MEGF11: variants seen among roughly 807,000 people sequenced by gnomAD.
MEGF11 encodes multiple epidermal growth factor-like domains protein 11.
Under a neutral mutation model 146.6 loss-of-function variants are expected in MEGF11, and 126 were observed. The ratio of observed to expected loss-of-function variants is 0.86; its 90% CI spans 0.74 to 1.00. The LOEUF is 1.00. Among genes scored for constraint, MEGF11 ranks in the 50% least tolerant of loss-of-function variants. The probability of loss-of-function intolerance (pLI) is 0.00; values close to 1 mark genes in which losing one functional copy is unlikely to be tolerated. For missense variants in MEGF11, 1,509 were observed against 1,521.2 expected, an observed-to-expected ratio of 0.99 and a Z score of 0.13; for synonymous variants, 532 against 583.4, an observed-to-expected ratio of 0.91 and a Z score of 1.27.
At chr15:66,230,989 G>A (rs1036267461) in intron 1 of MEGF11, among the ~76,000 whole-genome samples, 4 of 152,172 alleles carry the variant, frequency 2.6e-5, no homozygotes, top group African/African-American at 9.7e-5. Flanking sequence ...CTTGCCCAAA[G>A]TGGGTCCCAC....
At chr15:65,923,862 C>T (rs1321895441) in intron 13 of MEGF11, among the ~76,000 whole-genome samples, 2 of 152,134 alleles carry the variant, frequency 1.3e-5, no homozygotes, top group Non-Finnish European at 2.9e-5. Context: ...AGGCCTGAGG[C>T]TGGATGCCCC....
intron 1 of MEGF11, among the ~76,000 whole-genome samples, chr15:66,237,870 G>C (rs556866170): frequency 6.6e-6 from 1 of 152,268 alleles, no homozygotes; most frequent in Non-Finnish European, 1.5e-5. Context: ...TTTGAGGCTG[G>C]TATCTTCTGT....
intron 5 of MEGF11, among the ~76,000 whole-genome samples, chr15:65,999,451 C>T (rs2082292776): frequency 6.6e-6 from 1 of 152,210 alleles, no homozygotes; most frequent in East Asian, 1.9e-4. Flanking sequence ...GCTTCAAGAA[C>T]CTTCCTGCTT....
chr15:65,917,856 G>A (rs2141231237), intron 16 of MEGF11, 110 bp downstream of exon 16: 1 of 1,317,476 alleles, frequency 7.6e-7, no homozygotes, highest in Non-Finnish European at 1.1e-6. Flanking sequence ...TGCAGAAGGA[G>A]ATTTCATCCC....
At chr15:66,235,715 C>T (rs546376201) in intron 1 of MEGF11, among the ~76,000 whole-genome samples, 3 of 152,154 alleles carry the variant, frequency 2.0e-5, no homozygotes, top group Non-Finnish European at 4.4e-5. Flanking sequence ...CCTGGGTCCT[C>T]CTACAGGATC....
chr15:66,040,691 G>A (rs1168560837), intron 5 of MEGF11, among the ~76,000 whole-genome samples: 2 of 152,122 alleles, frequency 1.3e-5, no homozygotes, highest in African/African-American at 4.8e-5. Context: ...GGGCATTCCA[G>A]GGCCTGTCCC....
intron 1 of MEGF11, among the ~76,000 whole-genome samples, chr15:66,239,675 A>C (rs574738567): frequency 6.6e-6 from 1 of 151,790 alleles, no homozygotes; most frequent in Non-Finnish European, 1.5e-5. Flanking sequence ...TGCACTGCAC[A>C]CTCCTCAGAA....
At chr15:65,995,420 T>A (rs1288774956) in intron 5 of MEGF11, among the ~76,000 whole-genome samples, 1 of 152,244 alleles carries the variant, frequency 6.6e-6, no homozygotes, top group African/African-American at 2.4e-5. Context: ...CTCTGCTCAA[T>A]GAGAGGAACC....
At chr15:65,992,453 G>GGGC (rs2082079485) in intron 5 of MEGF11, among the ~76,000 whole-genome samples, 1 of 142,892 alleles carries the variant, frequency 7.0e-6, no homozygotes. Flanking sequence ...GTGTGTGTGG[G>GGGC]GGGGGGGGTT....
chr15:66,129,630 A>T, intron 1 of MEGF11, among the ~76,000 whole-genome samples: 1 of 152,176 alleles, frequency 6.6e-6, no homozygotes, highest in East Asian at 1.9e-4. Flanking sequence ...TTCGCAGATG[A>T]GGAAGCGCTC....
intron 1 of MEGF11, among the ~76,000 whole-genome samples, chr15:66,237,965 A>G (rs1474428485): frequency 1.3e-5 from 2 of 152,234 alleles, no homozygotes; most frequent in African/African-American, 4.8e-5. Flanking sequence ...ATGTATTTGC[A>G]CGGTAATAGA....
intron 5 of MEGF11, among the ~76,000 whole-genome samples, chr15:66,018,298 C>T (rs2082967047): frequency 6.6e-6 from 1 of 152,222 alleles, no homozygotes; most frequent in Non-Finnish European, 1.5e-5. Context: ...AGTGGCCCTG[C>T]CCATTTGGGA....
intron 1 of MEGF11, among the ~76,000 whole-genome samples, chr15:66,152,687 C>A (rs1396735601): frequency 6.6e-6 from 1 of 152,210 alleles, no homozygotes; most frequent in Admixed American, 6.5e-5. Context: ...CCTTCCTTGA[C>A]AGGAGAATGC....
At chr15:66,171,454 G>A (rs1276879379) in intron 1 of MEGF11, among the ~76,000 whole-genome samples, 1 of 152,124 alleles carries the variant, frequency 6.6e-6, no homozygotes, top group African/African-American at 2.4e-5. Context: ...AAGATTCCAA[G>A]GACAGAGAGG....
intron 1 of MEGF11, among the ~76,000 whole-genome samples, chr15:66,179,191 G>A (rs549328533): frequency 1.3e-5 from 2 of 152,302 alleles, no homozygotes; most frequent in Non-Finnish European, 2.9e-5. Context: ...GGAGTGCAGT[G>A]ATATGATCTC....
intron 5 of MEGF11, among the ~76,000 whole-genome samples, chr15:65,988,201 A>G (rs1051678702): frequency 2.0e-5 from 3 of 150,598 alleles, no homozygotes; most frequent in Non-Finnish European, 4.4e-5. Context: ...TAGGGATGGG[A>G]TTTCACCATG....
chr15:66,154,203 C>T (rs1800628441), intron 1 of MEGF11, among the ~76,000 whole-genome samples: 3 of 152,222 alleles, frequency 2.0e-5, no homozygotes, highest in Admixed American at 2.0e-4. Context: ...CCCTTGCTAC[C>T]CGAAACAACA....
At chr15:66,009,448 T>A (rs2082634646) in intron 5 of MEGF11, among the ~76,000 whole-genome samples, 1 of 151,976 alleles carries the variant, frequency 6.6e-6, no homozygotes, top group Non-Finnish European at 1.5e-5. Context: ...CATCTATGAC[T>A]CAAGACTTTA....
intron 24 of MEGF11, among the ~76,000 whole-genome samples, chr15:65,901,264 C>T (rs1289322445): frequency 1.3e-5 from 2 of 152,108 alleles, no homozygotes; most frequent in African/African-American, 4.8e-5. Flanking sequence ...CACAGAGCTT[C>T]TGGTTTGGAA....
Sources: allele counts gnomAD v4.1 joint callset (sites outside exome capture counted in the v4.1 genomes callset), GRCh38; gene constraint gnomAD v4.1.1; transcripts MANE v1.5; gene names NCBI Gene and HGNC (gene_info 2026-07-23, HGNC 2026-07-21).